The following TTC7B variants were observed in gnomAD, a reference collection of about 807,000 sequenced individuals.
TTC7B encodes tetratricopeptide repeat domain 7B, also known as tetratricopeptide repeat protein 7B.
TTC7B carries 28 observed loss-of-function variants against 106.8 expected under a neutral mutation model. That is an observed-to-expected ratio of 0.26 (90% CI 0.19 to 0.36). TTC7B has a LOEUF of 0.36. Ranked by LOEUF, TTC7B falls within the 10% of genes least tolerant of loss-of-function variation. The pLI, the probability that TTC7B is intolerant of heterozygous loss-of-function variation, is 1.00. For synonymous variants in TTC7B, 405 were observed against 430.6 expected (o/e 0.94, Z 0.74); for missense variants, 862 against 1,076.4 (o/e 0.80, Z 2.79).
At chr14:90,711,313 G>A (rs903757659) in intron 5 of TTC7B, among the ~76,000 whole-genome samples, 11 of 152,108 alleles carry the variant, frequency 7.2e-5, no homozygotes, top group Admixed American at 1.3e-4. Context: ...AAGAAGACGG[G>A]GGAAATGAAG....
At chr14:90,775,664 C>T (rs1051297215) in intron 3 of TTC7B, among the ~76,000 whole-genome samples, 12 of 152,144 alleles carry the variant, frequency 7.9e-5, no homozygotes, top group African/African-American at 2.9e-4. Context: ...AATTTCCTGC[C>T]AAGAAACATC....
chr14:90,691,474 A>G (rs1314347341), intron 6 of TTC7B, among the ~76,000 whole-genome samples: 1 of 152,218 alleles, frequency 6.6e-6, no homozygotes, highest in Non-Finnish European at 1.5e-5. Flanking sequence ...AACAATAAAT[A>G]TGAAATTACC....
chr14:90,653,352 G>GTCCTGGGCCA (rs1176538422), intron 12 of TTC7B, among the ~76,000 whole-genome samples: 1 of 152,206 alleles, frequency 6.6e-6, no homozygotes, highest in Admixed American at 6.5e-5. Flanking sequence ...AGAAGCTGCA[G>GTCCTGGGCCA]TCCTGGGCCA....
rs1274763843 is a variant in TTC7B at position 90,525,306 on chromosome 14, C to T, written c.*16062G>A. 1 of 152,264 alleles carries T rather than the reference C, an allele frequency of 6.6e-6. No homozygotes were observed. The allele number at this position is 152,264 out of a possible 1,614,324, so 9.4% of individuals were successfully genotyped here. On this transcript the variant is annotated 3_prime_UTR_variant, in exon 20 of 20. Coordinates refer to ENST00000328459, the MANE Select transcript of TTC7B (RefSeq NM_001010854.2). ...CCTCATATGGACAGATCACAATTCG[C>T]TTCTCCTTTGATCTGTTGGTGGACA...
At chr14:90,703,356 C>T (rs1888073395) in intron 5 of TTC7B, among the ~76,000 whole-genome samples, 1 of 152,174 alleles carries the variant, frequency 6.6e-6, no homozygotes, top group Non-Finnish European at 1.5e-5. Flanking sequence ...CTGTCCATCC[C>T]CTCGACTGGG....
chr14:90,797,531 T>C (rs78498593), intron 1 of TTC7B, among the ~76,000 whole-genome samples: 2,340 of 151,502 alleles, frequency 0.015, 24 homozygotes, highest in African/African-American at 0.026. Flanking sequence ...TAATCCCGGG[T>C]AACCCAGCAT....
In TTC7B at chr14:90,578,085, C is replaced by A. The variant is rs750297785; in HGVS notation, c.2310+21G>T. 1 of 1,589,614 alleles carries A rather than the reference C, an allele frequency of 6.3e-7. No homozygotes were observed. Among genetic ancestry groups the A allele is most frequent in the Non-Finnish European group, 8.6e-7 (1 of 1,167,726 alleles). ...TGTCCCCATGCCAGAGTAGGGGCCACCGCCGGGCTCGTGGACTCACCAGTC... is the reference window on the plus strand; with the variant it reads ...TGTCCCCATGCCAGAGTAGGGGCCAACGCCGGGCTCGTGGACTCACCAGTC... On this transcript the variant is annotated intron_variant, in intron 19 of 19. Transcript: ENST00000328459. This position sits in a 1 kb window ranked among gnomAD's most constrained non-coding sequence, Gnocchi z 4.7.
chr14:90,667,515 C>T (rs888042489), intron 9 of TTC7B, among the ~76,000 whole-genome samples: 1 of 152,110 alleles, frequency 6.6e-6, no homozygotes, highest in African/African-American at 2.4e-5. Context: ...AATGTTATCC[C>T]CTACCCCCGC....
intron 5 of TTC7B, among the ~76,000 whole-genome samples, chr14:90,714,017 C>T (rs1888548988): frequency 6.6e-6 from 1 of 152,126 alleles, no homozygotes; most frequent in Non-Finnish European, 1.5e-5. Flanking sequence ...CACCTGAGGT[C>T]GGGAGTTCGA....
intron 1 of TTC7B, among the ~76,000 whole-genome samples, chr14:90,801,834 G>C (rs1474382432): frequency 6.6e-6 from 1 of 152,112 alleles, no homozygotes; most frequent in African/African-American, 2.4e-5. Flanking sequence ...GGGGAAGGGG[G>C]TGGATCACCT....
At chr14:90,752,993 T>C (rs928722525) in intron 3 of TTC7B, among the ~76,000 whole-genome samples, 1 of 152,260 alleles carries the variant, frequency 6.6e-6, no homozygotes, top group African/African-American at 2.4e-5. Flanking sequence ...GGGCCTCCTA[T>C]TCTTTGTCTG....
intron 6 of TTC7B, among the ~76,000 whole-genome samples, chr14:90,690,432 A>G (rs1375959834): frequency 1.3e-5 from 2 of 152,238 alleles, no homozygotes; most frequent in Non-Finnish European, 2.9e-5. Context: ...GATGCAGATT[A>G]ATATGCTTCC....
chr14:90,569,449 C>T (rs1286493), intron 19 of TTC7B, among the ~76,000 whole-genome samples: 32,842 of 152,130 alleles, frequency 0.22, 3,911 homozygotes, highest in African/African-American at 0.33. Context: ...ACTCCACTAG[C>T]TGAGAATTCA....
Position 90,778,640 on chromosome 14 carries a change from C to T in TTC7B, c.445+2098G>A, listed in dbSNP as rs144951982. On this transcript the variant is annotated intron_variant, in intron 3 of 19. Coordinates refer to ENST00000328459, the MANE Select transcript of TTC7B (RefSeq NM_001010854.2). Reference sequence around the variant, plus strand: ...GAGGCACGTGAGGTAGCTGGGTGAACACCAGGGAGGAAAGAGCGTGGCTGT... The same window carrying T: ...GAGGCACGTGAGGTAGCTGGGTGAATACCAGGGAGGAAAGAGCGTGGCTGT... 2.5e-3 allele frequency among the ~76,000 whole-genome samples: 385 copies of T among 152,306 alleles called. 1 individual carries two copies. The highest frequency in any genetic ancestry group is 5.8e-3 in the Admixed American group (89 of 15,302).
At chr14:90,654,318 C>T (rs1202767085) in intron 12 of TTC7B, among the ~76,000 whole-genome samples, 1 of 152,034 alleles carries the variant, frequency 6.6e-6, no homozygotes, top group African/African-American at 2.4e-5. Context: ...TTTTGTTTTG[C>T]ATTTGTGTTA....
chr14:90,781,884 C>T (rs553658687), intron 2 of TTC7B, among the ~76,000 whole-genome samples: 3 of 152,220 alleles, frequency 2.0e-5, no homozygotes, highest in African/African-American at 4.8e-5. Context: ...CCTCCCTGAC[C>T]CGTCCTCCGG....
At chr14:90,800,709 G>T (rs1454131210) in intron 1 of TTC7B, among the ~76,000 whole-genome samples, 2 of 152,174 alleles carry the variant, frequency 1.3e-5, no homozygotes, top group Admixed American at 1.3e-4. Context: ...TACTCGGGAG[G>T]CTGAGGCAGG....
At chr14:90,596,675 G>A (rs143563588) in intron 17 of TTC7B, among the ~76,000 whole-genome samples, 1 of 152,288 alleles carries the variant, frequency 6.6e-6, no homozygotes, top group African/African-American at 2.4e-5. Flanking sequence ...CTATGTGGTT[G>A]TCACTAACAA....
In TTC7B at chr14:90,578,029, G is replaced by A; in HGVS notation, c.2310+77C>T. Reference sequence around the variant, plus strand: ...CCTTTGGAAGCAGAAGAGGGTGTGAGGGTCATGTGCTACCTGCCGCTTCCA... The same window carrying A: ...CCTTTGGAAGCAGAAGAGGGTGTGAAGGTCATGTGCTACCTGCCGCTTCCA... On this transcript the variant is annotated intron_variant, in intron 19 of 19. Transcript: ENST00000328459. This position sits in a 1 kb window ranked among gnomAD's most constrained non-coding sequence, Gnocchi z 4.7. 2 of 1,505,182 alleles carry A rather than the reference G, an allele frequency of 1.3e-6. No homozygotes were observed. The highest frequency in any genetic ancestry group is 2.4e-5 in the South Asian group (2 of 82,848). 93.2% of individuals were successfully genotyped at this position (1,505,182 alleles called of 1,614,324 possible).
Sources: allele counts gnomAD v4.1 joint callset (sites outside exome capture counted in the v4.1 genomes callset), GRCh38; gene constraint gnomAD v4.1.1; non-coding constraint Gnocchi (gnomAD v3.1); transcripts MANE v1.5; gene names NCBI Gene and HGNC (gene_info 2026-07-23, HGNC 2026-07-21).